CACNA1C: variants seen among roughly 807,000 people sequenced by gnomAD.
The protein encoded by CACNA1C is voltage-dependent L-type calcium channel subunit alpha-1C.
A neutral mutation model predicts 229.0 loss-of-function variants in CACNA1C; 30 were observed. The ratio of observed to expected loss-of-function variants is 0.13; its 90% CI spans 0.10 to 0.18. The LOEUF (loss-of-function observed/expected upper bound fraction) is 0.18, where lower values mean the gene tolerates loss of function less well. CACNA1C is among the 10% of genes least tolerant of loss of function. The pLI, the probability that CACNA1C is intolerant of heterozygous loss-of-function variation, is 1.00. For missense variants in CACNA1C, 1,658 were observed against 2,845.0 expected (o/e 0.58, Z 9.49); for synonymous variants, 1,114 against 1,132.5 (o/e 0.98, Z 0.33).
At chr12:2,078,988 A>G (rs1002504207) in intron 1 of CACNA1C, among the ~76,000 whole-genome samples, 2 of 152,200 alleles carry the variant, frequency 1.3e-5, no homozygotes, top group East Asian at 1.9e-4. Flanking sequence ...AGGGACATGG[A>G]TGAAGCTGGA....
intron 3 of CACNA1C, among the ~76,000 whole-genome samples, chr12:2,434,198 C>G (rs888645101): frequency 1.3e-5 from 2 of 152,096 alleles, no homozygotes; most frequent in African/African-American, 2.4e-5. Flanking sequence ...GTTTGTCAAG[C>G]CCACCTGTCA....
Position 2,036,466 on chromosome 12 carries a change from C to T in CACNA1C, c.139+65265C>T, listed in dbSNP as rs114557830. Among the ~76,000 whole-genome samples the T allele has an allele frequency of 3.4e-3, 521 of 152,188 alleles. 3 individuals are homozygous for T. Among genetic ancestry groups the T allele is most frequent in the African/African-American group, 0.012 (506 of 41,530 alleles). On this transcript the variant is annotated intron_variant, in intron 1 of 46. Transcript: ENST00000682462. ...TATGGGACAGTGGATTTTCATCCTC[C>T]CTCCCCTTTCCTATCTTTTTTTTTG...
chr12:2,218,254 G>A (rs1482408093), intron 3 of CACNA1C, among the ~76,000 whole-genome samples: 4 of 152,148 alleles, frequency 2.6e-5, no homozygotes, highest in Non-Finnish European at 4.4e-5. Flanking sequence ...TATTGACAAC[G>A]CGTCTCCTGC....
At chr12:2,143,759 C>T (rs2094473454) in intron 3 of CACNA1C, among the ~76,000 whole-genome samples, 1 of 151,160 alleles carries the variant, frequency 6.6e-6, no homozygotes, top group Admixed American at 6.7e-5. Flanking sequence ...CTTTAAAGGA[C>T]TTTGTTGAGA....
chr12:2,550,641 G>T, intron 10 of CACNA1C: 5 of 1,350,508 alleles, frequency 3.7e-6, no homozygotes, highest in Non-Finnish European at 4.9e-6. Context: ...GCAAACAGAG[G>T]CTCTGAGTCA....
chr12:2,668,861 C>G, intron 37 of CACNA1C, 72 bp from the exon 38 acceptor site: 1 of 968,396 alleles, frequency 1.0e-6, no homozygotes, highest in Non-Finnish European at 1.7e-6. Context: ...CCATATCACT[C>G]TGCCACGGTG....
chr12:2,404,716 TTCTGG>T, intron 3 of CACNA1C, among the ~76,000 whole-genome samples: 1 of 152,200 alleles, frequency 6.6e-6, no homozygotes. Context: ...TCTCGTCAGC[TTCTGG>T]GGGTCACTTG....
At chr12:2,520,155 C>T (rs2099806966) in intron 9 of CACNA1C, among the ~76,000 whole-genome samples, 1 of 143,958 alleles carries the variant, frequency 6.9e-6, no homozygotes, top group Non-Finnish European at 1.5e-5. Flanking sequence ...TGACCAATGG[C>T]CGTGTGCTTC....
chr12:2,643,152 G>A (rs1291930211), intron 30 of CACNA1C, among the ~76,000 whole-genome samples: 1 of 152,220 alleles, frequency 6.6e-6, no homozygotes, highest in East Asian at 1.9e-4. Flanking sequence ...TTTCAACTCA[G>A]TGTCTGTAAC....
At chr12:2,300,072 T>C (rs2094436275) in intron 3 of CACNA1C, among the ~76,000 whole-genome samples, 1 of 152,248 alleles carries the variant, frequency 6.6e-6, no homozygotes, top group Non-Finnish European at 1.5e-5. Context: ...AAATTCTGGC[T>C]GTGAAGTCTG....
rs1231437493 is a variant in CACNA1C at position 2,348,382 on chromosome 12, C to A, written c.478-100594C>A. Among the ~76,000 whole-genome samples the A allele has an allele frequency of 6.6e-6, 1 of 152,202 alleles. No individual in the cohort carries two copies. Among genetic ancestry groups the A allele is most frequent in the South Asian group, 2.1e-4 (1 of 4,820 alleles). On this transcript the variant is annotated intron_variant, in intron 3 of 46. Transcript: ENST00000399655. The surrounding 1 kb of genome is among the most constrained non-coding windows in gnomAD (Gnocchi z 4.7). ...AAGAGCTCCCGGCCCACGACTGAGT[C>A]ACGCGGCTTCTTAGCAACTTAGTCA...
intron 9 of CACNA1C, among the ~76,000 whole-genome samples, chr12:2,542,364 A>G (rs1197381834): frequency 1.3e-5 from 2 of 152,232 alleles, no homozygotes; most frequent in African/African-American, 4.8e-5. Flanking sequence ...GCTTTCAGCA[A>G]TACAGGGAAC....
chr12:2,602,630 T>TG lies in CACNA1C; in HGVS notation c.2960+670_2960+671insG, dbSNP rs2073161027. On this transcript the variant is annotated intron_variant, in intron 22 of 46. Coordinates refer to ENST00000399655, the MANE Select transcript of CACNA1C (RefSeq NM_000719.7). This position sits in a 1 kb window ranked among gnomAD's most constrained non-coding sequence, Gnocchi z 4.4. ...GTGTGTGACTGTGTATATTTGTGTC[T>TG]TGTGTGTGTGTGTGTGTGTGTGTGT... is the stretch of plus-strand genomic sequence containing the variant. Among the ~76,000 whole-genome samples, 323 of 140,912 alleles carry TG rather than the reference T, an allele frequency of 2.3e-3. 5 individuals carry two copies. Among genetic ancestry groups the TG allele is most frequent in the African/African-American group, 7.6e-3 (274 of 36,230 alleles). The allele number at this position is 140,912 out of a possible 152,430, so 92.4% of individuals were successfully genotyped here.
At chr12:2,565,199 T>G (rs530481376) in intron 11 of CACNA1C, among the ~76,000 whole-genome samples, 1 of 151,946 alleles carries the variant, frequency 6.6e-6, no homozygotes, top group Non-Finnish European at 1.5e-5. Context: ...CCGGGCGCGG[T>G]GGCTCACGCC....
rs71057826 is a variant in CACNA1C, at chr12:2,458,981, C to CTTTTTT, written c.757+1290_757+1295dup. On this transcript the variant is annotated intron_variant, in intron 5 of 46. Coordinates refer to ENST00000399655, the MANE Select transcript of CACNA1C (RefSeq NM_000719.7). ...TGATTGTCTTGGATTCTTTTTCTTT[C>CTTTTTT]TTTTTTTTTTTTTTTTTTTTGAGAC... Among the ~76,000 whole-genome samples, 93 of 105,612 alleles carry CTTTTTT rather than the reference C, an allele frequency of 8.8e-4. 1 individual carries two copies. Among genetic ancestry groups the CTTTTTT allele is most frequent in the African/African-American group, 2.5e-3 (71 of 28,206 alleles). 69.3% of individuals were successfully genotyped at this position (105,612 alleles called of 152,430 possible).
chr12:1,979,161 C>A (rs921298107), intron 1 of CACNA1C, among the ~76,000 whole-genome samples: 2 of 152,136 alleles, frequency 1.3e-5, no homozygotes, highest in African/African-American at 4.8e-5. Context: ...TACACGTGCC[C>A]GCCATCGAGC....
At chr12:2,194,670 G>A (rs921488848) in intron 3 of CACNA1C, among the ~76,000 whole-genome samples, 4 of 151,994 alleles carry the variant, frequency 2.6e-5, no homozygotes, top group African/African-American at 4.8e-5. Flanking sequence ...GAGAAGTTTT[G>A]GGCCTTATCT....
chr12:2,252,439 C>T (rs1053320208), intron 3 of CACNA1C, among the ~76,000 whole-genome samples: 1 of 152,172 alleles, frequency 6.6e-6, no homozygotes, highest in African/African-American at 2.4e-5. Flanking sequence ...AGAGGACCCT[C>T]TGGGAGGCCA....
At chr12:2,318,086 C>T (rs548808637) in intron 3 of CACNA1C, among the ~76,000 whole-genome samples, 6 of 152,282 alleles carry the variant, frequency 3.9e-5, no homozygotes, top group Middle Eastern at 3.4e-3. Context: ...AGTGGTGCTG[C>T]GGATGGCTTG....
Sources: allele counts gnomAD v4.1 joint callset (sites outside exome capture counted in the v4.1 genomes callset), GRCh38; gene constraint gnomAD v4.1.1; non-coding constraint Gnocchi (gnomAD v3.1); transcripts MANE v1.5; gene names NCBI Gene and HGNC (gene_info 2026-07-23, HGNC 2026-07-21).